Variants in AVL9 observed in about 807,000 individuals in gnomAD.
AVL9 encodes late secretory pathway protein AVL9 homolog.
A neutral mutation model predicts 79.2 loss-of-function variants in AVL9; 49 were observed. The ratio of observed to expected loss-of-function variants is 0.62; its 90% CI spans 0.49 to 0.79. The LOEUF is 0.79. Ranked by LOEUF, AVL9 falls within the 30% of genes least tolerant of loss-of-function variation. The probability of loss-of-function intolerance (pLI) is 0.00; values close to 1 mark genes in which losing one functional copy is unlikely to be tolerated. For missense variants in AVL9, 682 were observed against 776.8 expected, an observed-to-expected ratio of 0.88 and a Z score of 1.45; for synonymous variants, 299 against 280.6, an observed-to-expected ratio of 1.07 and a Z score of -0.65.
At chr7:32,558,258 A>G (rs1196577337) in intron 8 of AVL9, among the ~76,000 whole-genome samples, 1 of 150,796 alleles carries the variant, frequency 6.6e-6, no homozygotes, top group Non-Finnish European at 1.5e-5. Flanking sequence ...CCTGGGTTCA[A>G]GTGATTCTCC....
intron 15 of AVL9, among the ~76,000 whole-genome samples, chr7:32,583,006 G>A (rs184497659): frequency 4.9e-4 from 75 of 152,236 alleles, no homozygotes; most frequent in Admixed American, 4.2e-3. Context: ...TTGAGATACT[G>A]TTCTATAAAA....
At chr7:32,583,063 A>G (rs148056810) in intron 15 of AVL9, among the ~76,000 whole-genome samples, 1 of 152,298 alleles carries the variant, frequency 6.6e-6, no homozygotes, top group East Asian at 1.9e-4. Flanking sequence ...TTTGTGTAAC[A>G]TAACTTCATT....
intron 8 of AVL9, among the ~76,000 whole-genome samples, chr7:32,555,297 C>T (rs534784113): frequency 2.6e-5 from 4 of 152,276 alleles, no homozygotes; most frequent in East Asian, 1.9e-4. Flanking sequence ...GAGCTGAGAT[C>T]GTGCCACTAC....
intron 1 of AVL9, chr7:32,533,437 T>C (rs550430507): frequency 6.6e-6 from 1 of 152,232 alleles, no homozygotes; most frequent in Admixed American, 6.5e-5. Flanking sequence ...TATTGAGGTA[T>C]AGGAGTGTAA....
At chr7:32,545,568 C>T (rs768330403) in intron 3 of AVL9, among the ~76,000 whole-genome samples, 15 of 151,744 alleles carry the variant, frequency 9.9e-5, no homozygotes, top group Non-Finnish European at 1.6e-4. Context: ...CAAGGTTTCA[C>T]CATGATGCCC....
chr7:32,571,686 T>TATAC (rs1455934570), intron 11 of AVL9, among the ~76,000 whole-genome samples: 1 of 4,410 alleles, frequency 2.3e-4, no homozygotes. Context: ...GAAGAAAAAG[T>TATAC]ACATTTTCCA....
chr7:32,573,336 G>A lies in AVL9; in HGVS notation c.1488G>A (p.Thr496=), dbSNP rs1205875980. The A allele has an allele frequency of 9.3e-6, 15 of 1,613,702 alleles. No individual in the cohort carries two copies. Among genetic ancestry groups the A allele is most frequent in the African/African-American group, 2.7e-5 (2 of 74,784 alleles). The change falls in exon 12 of 16, where the codon ACG becomes ACA. Residue 496 remains threonine (T), a synonymous_variant. Coordinates refer to ENST00000318709, the MANE Select transcript of AVL9 (RefSeq NM_015060.3). ...GGGATGACGTCTTCCTAGATGGCAC[G>A]GGCTGGGAGGGAGGTGACGAATGGA... ...ENRDDVFLDG[T]GWEGGDEWIR...
intron 1 of AVL9, among the ~76,000 whole-genome samples, chr7:32,511,431 C>T (rs1787668149): frequency 6.6e-6 from 1 of 151,982 alleles, no homozygotes; most frequent in Non-Finnish European, 1.5e-5. Flanking sequence ...TTGTGGGAGT[C>T]CACAGTCCTG....
chr7:32,540,932 T>C (rs1412112702), intron 1 of AVL9, among the ~76,000 whole-genome samples: 3 of 120,946 alleles, frequency 2.5e-5, no homozygotes, highest in Non-Finnish European at 4.9e-5. Context: ...GGAGTCTCGC[T>C]CTGTCGCCCA....
At chr7:32,497,132 G>T (rs999660291) in intron 1 of AVL9, among the ~76,000 whole-genome samples, 7 of 152,000 alleles carry the variant, frequency 4.6e-5, no homozygotes, top group Middle Eastern at 3.4e-3. Context: ...GAGGCGGGTG[G>T]ATCACCTGAG....
chr7:32,575,245 C>T (rs1009100050), intron 12 of AVL9, among the ~76,000 whole-genome samples: 8 of 152,028 alleles, frequency 5.3e-5, no homozygotes, highest in African/African-American at 1.4e-4. Flanking sequence ...ACTACAGGTA[C>T]CCGCCACCAC....
rs1013276537 is a variant in AVL9 at position 32,585,591 on chromosome 7, T to C, written c.*1684T>C. On this transcript the variant is annotated 3_prime_UTR_variant, in exon 16 of 16. Coordinates refer to ENST00000318709, the MANE Select transcript of AVL9 (RefSeq NM_015060.3). The stretch of plus-strand genomic sequence containing the variant: ...AAATAAAGGAGGGCCCTGATTATAT[T>C]TGGTTTATTCCTCACTAAATGTTTA... 2.6e-5 allele frequency: 4 copies of C among 152,230 alleles called. No homozygotes were observed. In the South Asian group the frequency reaches 8.3e-4, roughly 31 times the overall value. The allele number at this position is 152,230 out of a possible 1,614,324, so 9.4% of individuals were successfully genotyped here.
intron 8 of AVL9, among the ~76,000 whole-genome samples, chr7:32,556,575 T>A (rs1790072135): frequency 6.7e-6 from 1 of 148,576 alleles, no homozygotes; most frequent in African/African-American, 2.5e-5. Context: ...AAAGATAAAG[T>A]TTTTTTTTTA....
At chr7:32,571,030 G>A (rs1384168336) in intron 11 of AVL9, among the ~76,000 whole-genome samples, 2 of 144,828 alleles carry the variant, frequency 1.4e-5, no homozygotes, top group Non-Finnish European at 3.0e-5. Context: ...AGGAGTTCGA[G>A]ACCAGCCTGG....
At chr7:32,553,089 G>A (rs577357271) in intron 6 of AVL9, among the ~76,000 whole-genome samples, 6 of 152,252 alleles carry the variant, frequency 3.9e-5, no homozygotes, top group Middle Eastern at 3.4e-3. Flanking sequence ...GTTGCCAATT[G>A]TGGTAGTTTA....
chr7:32,552,497 T>C (rs1275749063), intron 6 of AVL9, among the ~76,000 whole-genome samples: 2 of 152,052 alleles, frequency 1.3e-5, no homozygotes, highest in Non-Finnish European at 2.9e-5. Context: ...GGTTTACAAC[T>C]ATTAACGTAC....
chr7:32,583,026 C>T lies in AVL9; in HGVS notation c.1832-766C>T, dbSNP rs1791585519. Among the ~76,000 whole-genome samples, 4 of 152,116 alleles carry T rather than the reference C, an allele frequency of 2.6e-5. No individual in the cohort carries two copies. In the South Asian group the frequency reaches 8.3e-4, roughly 31 times the overall value. ...ATACTGTTCTATAAAACACAATAGA[C>T]CTGGGGCAGATAGAGCTCTATACAT... is the stretch of plus-strand genomic sequence containing the variant. On this transcript the variant is annotated intron_variant, in intron 15 of 15. Transcript: ENST00000318709.
chr7:32,513,004 C>T (rs6462374), intron 1 of AVL9, among the ~76,000 whole-genome samples: 55,062 of 133,516 alleles, frequency 0.41, 10,525 homozygotes, highest in African/African-American at 0.51. Flanking sequence ...TGAGGGACTT[C>T]GCAGATGTTC....
intron 10 of AVL9, among the ~76,000 whole-genome samples, chr7:32,560,624 C>T (rs9690174): frequency 0.13 from 19,190 of 152,192 alleles, 1,724 homozygotes; most frequent in African/African-American, 0.26. Flanking sequence ...TATCAACTTC[C>T]TCCAAACTCC....
Sources: gnomAD v4.1 joint callset for allele counts (sites outside exome capture counted in the v4.1 genomes callset) on GRCh38, gnomAD v4.1.1 for gene constraint, MANE v1.5 for transcripts, NCBI Gene and HGNC (gene_info 2026-07-23, HGNC 2026-07-21) for gene names.